The following KAZN variants were observed in gnomAD, a reference collection of about 807,000 sequenced individuals.
KAZN encodes the protein kazrin.
Under a neutral mutation model 87.4 loss-of-function variants are expected in KAZN, and 40 were observed. The ratio of observed to expected loss-of-function variants is 0.46; its 90% CI spans 0.36 to 0.60. The LOEUF (loss-of-function observed/expected upper bound fraction) is 0.60. Ranked by LOEUF, KAZN falls within the 20% of genes least tolerant of loss-of-function variation. The pLI, the probability that KAZN is intolerant of heterozygous loss-of-function variation, is 0.00. For missense variants in KAZN, 898 were observed against 1,073.9 expected (o/e 0.84, Z 2.29); for synonymous variants, 466 against 458.3 (o/e 1.02, Z -0.22).
At chr1:14,706,551 A>G (rs1443313438) in intron 1 of KAZN, among the ~76,000 whole-genome samples, 2 of 152,218 alleles carry the variant, frequency 1.3e-5, no homozygotes, top group Non-Finnish European at 2.9e-5. Context: ...TCTGATCACT[A>G]TACATTATAT....
At chr1:14,226,913 A>G (rs1647344997) in intron 2 of KAZN, among the ~76,000 whole-genome samples, 1 of 152,200 alleles carries the variant, frequency 6.6e-6, no homozygotes, top group African/African-American at 2.4e-5. Context: ...GGACAGTGGG[A>G]AAGTGTGAGG....
At chr1:14,377,488 C>T (rs142281192) in intron 2 of KAZN, among the ~76,000 whole-genome samples, 12 of 152,250 alleles carry the variant, frequency 7.9e-5, no homozygotes, top group Non-Finnish European at 1.6e-4. Flanking sequence ...AGCAGAGAAA[C>T]AGTCTCTAGC....
At chr1:14,849,616 G>A (rs191397591) in intron 1 of KAZN, among the ~76,000 whole-genome samples, 45 of 152,270 alleles carry the variant, frequency 3.0e-4, no homozygotes, top group Admixed American at 9.2e-4. Flanking sequence ...GAATACTGGC[G>A]CAGCTGAATT....
intron 2 of KAZN, among the ~76,000 whole-genome samples, chr1:14,312,055 G>A (rs1224678753): frequency 6.6e-6 from 1 of 152,034 alleles, no homozygotes; most frequent in African/African-American, 2.4e-5. Context: ...TTGGAGAGCT[G>A]GTCTGACAAC....
chr1:13,976,112 GTCT>G (rs1553180546), intron 1 of KAZN, among the ~76,000 whole-genome samples: 1 of 152,168 alleles, frequency 6.6e-6, no homozygotes, highest in Non-Finnish European at 1.5e-5. Flanking sequence ...TCCAAATAAT[GTCT>G]TCGTGAGAAT....
At chr1:14,865,724 C>T (rs763614019) in intron 1 of KAZN, among the ~76,000 whole-genome samples, 3 of 152,186 alleles carry the variant, frequency 2.0e-5, no homozygotes, top group Admixed American at 2.0e-4. Context: ...TAGAACATGA[C>T]CTTATTTGAA....
At chr1:14,078,123 A>G (rs1243603203) in intron 1 of KAZN, among the ~76,000 whole-genome samples, 1 of 152,138 alleles carries the variant, frequency 6.6e-6, no homozygotes, top group Non-Finnish European at 1.5e-5. Context: ...CACCTTCTGT[A>G]TTTTTACTTC....
At chr1:14,995,733 A>G (rs967370586) in intron 2 of KAZN, among the ~76,000 whole-genome samples, 1 of 151,040 alleles carries the variant, frequency 6.6e-6, no homozygotes, top group Non-Finnish European at 1.5e-5. Flanking sequence ...TCTTCTCTGG[A>G]CTCTTCCAAA....
chr1:13,946,773 A>T (rs75459591), intron 1 of KAZN, among the ~76,000 whole-genome samples: 1 of 124,224 alleles, frequency 8.0e-6, no homozygotes, highest in Non-Finnish European at 1.8e-5. Flanking sequence ...CCGTAACCCT[A>T]CTTCCTAGCA....
chr1:14,871,649 A>AGTGTGTGTGTGTGTGTGTGTGTGTGT (rs3033520), intron 1 of KAZN, among the ~76,000 whole-genome samples: 1 of 144,550 alleles, frequency 6.9e-6, no homozygotes, highest in South Asian at 2.4e-4. Context: ...CATGAGCAGC[A>AGTGTGTGTGTGTGTGTGTGTGTGTGT]GTGTGTGTGT....
chr1:14,809,207 C>A (rs1646326256), intron 1 of KAZN, among the ~76,000 whole-genome samples: 1 of 152,220 alleles, frequency 6.6e-6, no homozygotes. Flanking sequence ...CAAACAAAAT[C>A]AGAGCCTGGT....
Position 14,980,176 on chromosome 1 carries a change from A to G in KAZN, c.418+19301A>G, listed in dbSNP as rs111412443. ...AGTGCTGGGATTACAGGCATGAGCC[A>G]CTGTGCCTGGCCATAAGTACCTATT... On this transcript the variant is annotated intron_variant, in intron 2 of 14. Transcript: ENST00000376030. 5.3e-3 allele frequency among the ~76,000 whole-genome samples: 806 copies of G among 152,326 alleles called. 8 individuals are homozygous for G. Among genetic ancestry groups the G allele is most frequent in the African/African-American group, 0.018 (757 of 41,564 alleles).
At chr1:14,065,323 A>G (rs1202541995) in intron 1 of KAZN, among the ~76,000 whole-genome samples, 1 of 152,212 alleles carries the variant, frequency 6.6e-6, no homozygotes, top group Non-Finnish European at 1.5e-5. Flanking sequence ...ACCTTAGAAC[A>G]GAAAGCATAA....
intron 1 of KAZN, among the ~76,000 whole-genome samples, chr1:13,935,928 G>A (rs7541731): frequency 0.79 from 116,987 of 148,468 alleles, 46,174 homozygotes; most frequent in South Asian, 0.93. Flanking sequence ...TTTAATATAT[G>A]TACATCATCA....
chr1:15,043,522 G>A (rs77072341), intron 3 of KAZN, among the ~76,000 whole-genome samples: 1,532 of 151,780 alleles, frequency 0.01, 34 homozygotes, highest in African/African-American at 0.036. Context: ...TACTGGGTTC[G>A]TCTCTGTTCC....
chr1:14,932,611 C>A (rs769742211), intron 1 of KAZN, among the ~76,000 whole-genome samples: 1 of 152,118 alleles, frequency 6.6e-6, no homozygotes, highest in Non-Finnish European at 1.5e-5. Context: ...GCATGAGGCT[C>A]ATGAGTGTTT....
intron 2 of KAZN, among the ~76,000 whole-genome samples, chr1:14,998,058 A>G (rs113613476): frequency 0.022 from 3,404 of 151,884 alleles, 68 homozygotes; most frequent in South Asian, 0.044. Context: ...AGGAAGTCGA[A>G]CTGTGGGTCT....
intron 1 of KAZN, among the ~76,000 whole-genome samples, chr1:14,655,034 T>G (rs1638698949): frequency 6.6e-6 from 1 of 152,212 alleles, no homozygotes; most frequent in Non-Finnish European, 1.5e-5. Context: ...GAGAGCCTGT[T>G]AAGCTGTTGG....
chr1:14,436,090 G>A (rs1306959369), intron 2 of KAZN, among the ~76,000 whole-genome samples: 11 of 152,230 alleles, frequency 7.2e-5, no homozygotes, highest in African/African-American at 1.9e-4. Flanking sequence ...TTAGCCGGGT[G>A]TGGTGGCGGG....
Sources: allele counts gnomAD v4.1 joint callset (sites outside exome capture counted in the v4.1 genomes callset), GRCh38; gene constraint gnomAD v4.1.1; transcripts MANE v1.5; gene names NCBI Gene and HGNC (gene_info 2026-07-23, HGNC 2026-07-21).